KCNIP4: variants seen among roughly 807,000 people sequenced by gnomAD.
KCNIP4 encodes the protein Kv channel-interacting protein 4.
In KCNIP4, 12 loss-of-function variants were observed where a neutral mutation model predicts 34.0. The observed-to-expected ratio is 0.35, with a 90% CI of 0.23 to 0.57. The LOEUF (loss-of-function observed/expected upper bound fraction) is 0.57, where lower values mean the gene tolerates loss of function less well. KCNIP4 is among the 20% of genes least tolerant of loss of function. The pLI is 0.83. For missense variants in KCNIP4, 238 were observed against 311.7 expected, an observed-to-expected ratio of 0.76 and a Z score of 1.78; for synonymous variants, 124 against 102.2, an observed-to-expected ratio of 1.21 and a Z score of -1.29.
At position 21,553,746 on chromosome 4, in the gene KCNIP4, A is replaced by G. The variant is rs139050571; in HGVS notation, c.61+394825T>C. ...GAAACAAAGTTCTTTGTGTGTAAAT[A>G]TTAGCTATTGTTATTATTACCCCCA... is the stretch of plus-strand genomic sequence containing the variant. On this transcript the variant is annotated intron_variant, in intron 1 of 8. Transcript: ENST00000382152. 1.6e-4 allele frequency among the ~76,000 whole-genome samples: 25 copies of G among 152,180 alleles called. No homozygotes were observed. In the East Asian group the frequency reaches 4.6e-3, roughly 28 times the overall value.
chr4:21,920,944 A>G (rs559750550), intron 1 of KCNIP4, among the ~76,000 whole-genome samples: 3 of 152,136 alleles, frequency 2.0e-5, no homozygotes, highest in African/African-American at 7.2e-5. Flanking sequence ...CACATCCTAC[A>G]GAGTTTTACA....
chr4:21,208,711 C>T (rs917651229), intron 1 of KCNIP4, among the ~76,000 whole-genome samples: 1 of 152,060 alleles, frequency 6.6e-6, no homozygotes, highest in African/African-American at 2.4e-5. Context: ...AGTAATTAAA[C>T]TCTTTTGTAT....
intron 1 of KCNIP4, among the ~76,000 whole-genome samples, chr4:21,049,167 G>A (rs1486090434): frequency 6.6e-6 from 1 of 151,188 alleles, no homozygotes. Flanking sequence ...AGCCAGGATG[G>A]TCTCGATCTC....
intron 1 of KCNIP4, among the ~76,000 whole-genome samples, chr4:21,711,322 A>T (rs111813288): frequency 6.8e-4 from 103 of 152,268 alleles, no homozygotes; most frequent in Non-Finnish European, 1.0e-3. Flanking sequence ...AAATACAAAA[A>T]TTAGTTGGGT....
At chr4:21,667,263 C>T (rs1267186421) in intron 1 of KCNIP4, among the ~76,000 whole-genome samples, 1 of 152,266 alleles carries the variant, frequency 6.6e-6, no homozygotes, top group Admixed American at 6.5e-5. Context: ...TCTCCTTTTC[C>T]CATTTGTCTA....
At chr4:21,086,907 CTCTT>C (rs1369965194) in intron 1 of KCNIP4, among the ~76,000 whole-genome samples, 3 of 150,784 alleles carry the variant, frequency 2.0e-5, no homozygotes, top group Non-Finnish European at 3.0e-5. Context: ...CTTTCTCCCT[CTCTT>C]TCCCTCTTTC....
chr4:21,845,910 T>A (rs1018912907), intron 1 of KCNIP4: 1 of 152,124 alleles, frequency 6.6e-6, no homozygotes, highest in Non-Finnish European at 1.5e-5. Context: ...TCTTCCCAAC[T>A]GCAGTCTTCT....
At chr4:21,483,368 A>T (rs1426256104) in intron 1 of KCNIP4, among the ~76,000 whole-genome samples, 1 of 152,112 alleles carries the variant, frequency 6.6e-6, no homozygotes, top group Non-Finnish European at 1.5e-5. Context: ...TCAGGTTGAA[A>T]TGTAGTCCCT....
intron 1 of KCNIP4, among the ~76,000 whole-genome samples, chr4:21,802,111 G>A (rs899465525): frequency 4.6e-5 from 7 of 151,982 alleles, no homozygotes; most frequent in African/African-American, 1.7e-4. Flanking sequence ...CCAGGCTACT[G>A]AGACTGAAGT....
rs114555542 is a variant in KCNIP4 at position 20,746,376 on chromosome 4, G to A, written c.429+3286C>T. ...ATCACACACCAGGGCATGTCGGAGG[G>A]TGGGGGGCTAGGGGAGGGATAATAT... On this transcript the variant is annotated intron_variant, in intron 5 of 8. Transcript: ENST00000382152. 3.9e-3 allele frequency among the ~76,000 whole-genome samples: 597 copies of A among 152,136 alleles called. 6 individuals carry two copies. The highest frequency in any genetic ancestry group is 0.013 in the African/African-American group (559 of 41,514).
intron 1 of KCNIP4, among the ~76,000 whole-genome samples, chr4:21,916,027 A>G (rs1180363806): frequency 6.6e-6 from 1 of 152,188 alleles, no homozygotes; most frequent in Non-Finnish European, 1.5e-5. Flanking sequence ...TTTCGTTTCC[A>G]GTTGCTTCAG....
chr4:21,508,472 G>T (rs905158480), intron 1 of KCNIP4, among the ~76,000 whole-genome samples: 4 of 152,114 alleles, frequency 2.6e-5, no homozygotes, highest in African/African-American at 9.7e-5. Context: ...TTGCACAGTG[G>T]CAGGCACTGC....
At chr4:21,304,169 C>G (rs1712160874) in intron 1 of KCNIP4, 1 of 179,854 alleles carries the variant, frequency 5.6e-6, no homozygotes. Context: ...GATGGAGAGG[C>G]TGAGAAAAAG....
chr4:21,299,604 T>C (rs1218365552), intron 1 of KCNIP4, among the ~76,000 whole-genome samples: 1 of 152,210 alleles, frequency 6.6e-6, no homozygotes, highest in Admixed American at 6.5e-5. Context: ...GGCATGCCAT[T>C]GCACTGGAGG....
intron 4 of KCNIP4, 50 bp from the exon 5 acceptor site, chr4:20,749,782 C>T: frequency 7.8e-7 from 1 of 1,279,390 alleles, no homozygotes; most frequent in Non-Finnish European, 1.1e-6. Flanking sequence ...CCATATCCTA[C>T]ATAAGACTTG....
intron 1 of KCNIP4, among the ~76,000 whole-genome samples, chr4:21,234,000 A>T (rs1402141470): frequency 2.8e-4 from 36 of 129,310 alleles, no homozygotes; most frequent in African/African-American, 1.1e-3. Context: ...AACATGTATA[A>T]TATATAACAT....
intron 1 of KCNIP4, among the ~76,000 whole-genome samples, chr4:21,472,466 A>G (rs555068593): frequency 3.9e-5 from 6 of 152,102 alleles, no homozygotes; most frequent in Admixed American, 1.3e-4. Context: ...TATTACTACA[A>G]CTATCATTAC....
intron 1 of KCNIP4, among the ~76,000 whole-genome samples, chr4:21,322,702 G>A (rs533757942): frequency 6.6e-6 from 1 of 152,042 alleles, no homozygotes; most frequent in African/African-American, 2.4e-5. Context: ...AATGTTTGTT[G>A]AGAAGCAACT....
intron 1 of KCNIP4, among the ~76,000 whole-genome samples, chr4:20,883,403 G>A (rs977838131): frequency 6.6e-6 from 1 of 152,176 alleles, no homozygotes; most frequent in Non-Finnish European, 1.5e-5. Flanking sequence ...AGACGGAGCA[G>A]TATGTGTGAC....
Sources: allele counts gnomAD v4.1 joint callset (sites outside exome capture counted in the v4.1 genomes callset), GRCh38; gene constraint gnomAD v4.1.1; transcripts MANE v1.5; gene names NCBI Gene and HGNC (gene_info 2026-07-23, HGNC 2026-07-21).